The following EBF1 variants were observed in gnomAD, a reference collection of about 807,000 sequenced individuals.
The protein encoded by EBF1 is EBF transcription factor 1.
A neutral mutation model predicts 68.4 loss-of-function variants in EBF1; 10 were observed. That is an observed-to-expected ratio of 0.15 (90% CI 0.09 to 0.25). EBF1 has a LOEUF of 0.25. EBF1 is among the 10% of genes least tolerant of loss of function. The pLI is 1.00. For synonymous variants in EBF1, 298 were observed against 299.8 expected (o/e 0.99, Z 0.06); for missense variants, 509 against 794.4 (o/e 0.64, Z 4.32).
chr5:159,013,707 G>A (rs1765105371), intron 6 of EBF1, among the ~76,000 whole-genome samples: 1 of 152,096 alleles, frequency 6.6e-6, no homozygotes, highest in African/African-American at 2.4e-5. Flanking sequence ...AAGGACTTTA[G>A]CTTAACACCC....
chr5:159,056,265 T>A (rs562171303), intron 6 of EBF1, among the ~76,000 whole-genome samples: 2 of 152,346 alleles, frequency 1.3e-5, no homozygotes, highest in South Asian at 2.1e-4. Flanking sequence ...CATTCAGTCA[T>A]ATATTTCTGT....
chr5:158,815,264 G>A (rs1313073723), intron 8 of EBF1, among the ~76,000 whole-genome samples: 1 of 152,152 alleles, frequency 6.6e-6, no homozygotes, highest in Non-Finnish European at 1.5e-5. Flanking sequence ...GTAGGGCTCA[G>A]GGAATGTTTA....
chr5:158,744,151 C>CA lies in EBF1; in HGVS notation c.1037-12995dup, dbSNP rs1177499806. ...CCTGGGCAACAAAGTGAGACACTGT[C>CA]AAAAAAAAAACCAGAAGCTTAGGAA... On this transcript the variant is annotated intron_variant, in intron 10 of 15. Coordinates refer to ENST00000313708, the MANE Select transcript of EBF1 (RefSeq NM_024007.5). Among the ~76,000 whole-genome samples the CA allele has an allele frequency of 2.6e-3, 371 of 145,066 alleles. 3 individuals are homozygous for CA. The highest frequency in any genetic ancestry group is 0.01 in the Admixed American group (150 of 14,576).
intron 6 of EBF1, among the ~76,000 whole-genome samples, chr5:158,848,730 A>T (rs765167149): frequency 2.0e-5 from 3 of 152,246 alleles, no homozygotes; most frequent in Non-Finnish European, 4.4e-5. Flanking sequence ...CTCCTTGTTC[A>T]GTACATATGT....
At chr5:158,724,944 C>T (rs183359072) in intron 11 of EBF1, among the ~76,000 whole-genome samples, 3 of 152,150 alleles carry the variant, frequency 2.0e-5, no homozygotes, top group Admixed American at 6.5e-5. Context: ...ATAGATAGAG[C>T]GACAGAGATG....
intron 10 of EBF1, among the ~76,000 whole-genome samples, chr5:158,733,946 A>C (rs1281521770): frequency 2.6e-5 from 4 of 152,176 alleles, no homozygotes; most frequent in African/African-American, 9.6e-5. Flanking sequence ...CTGTTATTTT[A>C]ACTGCCCCCA....
At chr5:158,973,372 T>C (rs1756042910) in intron 6 of EBF1, among the ~76,000 whole-genome samples, 1 of 152,002 alleles carries the variant, frequency 6.6e-6, no homozygotes, top group African/African-American at 2.4e-5. Flanking sequence ...CACACTCTCC[T>C]ACCCCAATCC....
chr5:158,928,831 T>C (rs1363530486), intron 6 of EBF1, among the ~76,000 whole-genome samples: 1 of 152,220 alleles, frequency 6.6e-6, no homozygotes, highest in African/African-American at 2.4e-5. Context: ...GGAAGCCAGT[T>C]TATATATCTG....
chr5:159,099,215 G>C, intron 1 of EBF1, 130 bp downstream of exon 1: 1 of 638,520 alleles, frequency 1.6e-6, no homozygotes, highest in Non-Finnish European at 2.2e-6. Context: ...GCGGAGAGCG[G>C]AGCGCAGCGG....
chr5:158,977,730 A>C (rs1415906258), intron 6 of EBF1, among the ~76,000 whole-genome samples: 2 of 152,120 alleles, frequency 1.3e-5, no homozygotes, highest in African/African-American at 4.8e-5. Flanking sequence ...AGGGAAATAT[A>C]CTCTGTGACT....
At chr5:159,035,468 C>T (rs13174549) in intron 6 of EBF1, among the ~76,000 whole-genome samples, 12,092 of 152,116 alleles carry the variant, frequency 0.079, 505 homozygotes, top group Middle Eastern at 0.12. Flanking sequence ...CGTTATAAAT[C>T]ACAGGATTGA....
intron 5 of EBF1, among the ~76,000 whole-genome samples, chr5:159,080,764 T>C (rs1204622859): frequency 6.6e-6 from 1 of 152,188 alleles, no homozygotes; most frequent in Non-Finnish European, 1.5e-5. Context: ...ATAAGTAATA[T>C]TATCCTCTAT....
chr5:158,975,876 C>G lies in EBF1; in HGVS notation c.554+97520G>C, dbSNP rs77698543. On this transcript the variant is annotated intron_variant, in intron 6 of 15. Transcript: ENST00000313708. Reference sequence around the variant, plus strand: ...AATGACCAGCTGGGTTTGATTAGGACAGCAAGCACGCCCCCATCCTCTCAT... The same window carrying G: ...AATGACCAGCTGGGTTTGATTAGGAGAGCAAGCACGCCCCCATCCTCTCAT... 1.5e-3 allele frequency among the ~76,000 whole-genome samples: 223 copies of G among 152,286 alleles called. 1 individual carries two copies. The East Asian group carries it at 0.031, about 21-fold the overall frequency.
At chr5:158,711,023 A>G (rs138627264) in intron 14 of EBF1, among the ~76,000 whole-genome samples, 4 of 152,340 alleles carry the variant, frequency 2.6e-5, no homozygotes, top group African/African-American at 9.6e-5. Flanking sequence ...TAGAAGCAAT[A>G]TAAATGTACC....
At chr5:158,999,561 C>A (rs1240857904) in intron 6 of EBF1, among the ~76,000 whole-genome samples, 1 of 152,168 alleles carries the variant, frequency 6.6e-6, no homozygotes, top group Non-Finnish European at 1.5e-5. Context: ...TATTTTAAAT[C>A]TATTCCAAGT....
intron 8 of EBF1, among the ~76,000 whole-genome samples, chr5:158,799,437 TAATTA>T (rs1478488354): frequency 2.8e-4 from 33 of 119,968 alleles, no homozygotes; most frequent in African/African-American, 7.6e-4. Flanking sequence ...ATAAATTAAT[TAATTA>T]AATTAAATTA....
chr5:158,977,918 G>A lies in EBF1; in HGVS notation c.554+95478C>T, dbSNP rs141603784. Among the ~76,000 whole-genome samples the A allele has an allele frequency of 5.6e-4, 85 of 152,266 alleles. 1 individual carries two copies. In the East Asian group the frequency reaches 0.016, roughly 28 times the overall value. On this transcript the variant is annotated intron_variant, in intron 6 of 15. Transcript: ENST00000313708. ...CAAAGGCTAAAGGAAGGGAAAATGG[G>A]TGATTCTGACTCAAAAATTAAGTGA...
intron 6 of EBF1, among the ~76,000 whole-genome samples, chr5:158,866,505 G>A (rs989530684): frequency 6.6e-6 from 1 of 151,952 alleles, no homozygotes; most frequent in Non-Finnish European, 1.5e-5. Context: ...TACTATTAAT[G>A]TAGCTAATAC....
intron 10 of EBF1, among the ~76,000 whole-genome samples, chr5:158,764,029 G>A (rs1373317359): frequency 1.3e-5 from 2 of 152,186 alleles, no homozygotes; most frequent in East Asian, 1.9e-4. Context: ...TGTATGCCAT[G>A]CACTGTACTA....
Sources: gnomAD v4.1 joint callset for allele counts (sites outside exome capture counted in the v4.1 genomes callset) on GRCh38, gnomAD v4.1.1 for gene constraint, MANE v1.5 for transcripts, NCBI Gene and HGNC (gene_info 2026-07-23, HGNC 2026-07-21) for gene names.